Variants in FBXW7 observed in about 807,000 individuals in gnomAD.
FBXW7 encodes the protein F-box/WD repeat-containing protein 7.
A neutral mutation model predicts 86.3 loss-of-function variants in FBXW7; 11 were observed. The ratio of observed to expected loss-of-function variants is 0.13; its 90% CI spans 0.08 to 0.21. The LOEUF is 0.21. FBXW7 is among the 10% of genes least tolerant of loss of function. The pLI, the probability that FBXW7 is intolerant of heterozygous loss-of-function variation, is 1.00. For synonymous variants in FBXW7, 313 were observed against 297.9 expected, an observed-to-expected ratio of 1.05 and a Z score of -0.52; for missense variants, 488 against 847.4, an observed-to-expected ratio of 0.58 and a Z score of 5.27.
At chr4:152,326,675 T>C (rs538845198) in intron 11 of FBXW7, among the ~76,000 whole-genome samples, 7 of 152,262 alleles carry the variant, frequency 4.6e-5, no homozygotes, top group South Asian at 2.1e-4. Context: ...ATTTTCTTTA[T>C]GTTCTTTGCC....
chr4:152,332,773 TATA>T (rs1264795654), intron 7 of FBXW7, 54 bp from the exon 8 acceptor site: 2 of 828,350 alleles, frequency 2.4e-6, no homozygotes, highest in Admixed American at 9.8e-5. Context: ...ATATATATTA[TATA>T]ATAAGTTAAT....
intron 2 of FBXW7, among the ~76,000 whole-genome samples, chr4:152,435,187 T>C (rs556877408): frequency 6.6e-6 from 1 of 150,806 alleles, no homozygotes; most frequent in African/African-American, 2.4e-5. Context: ...ATAATCACAA[T>C]ATAAATGTTA....
chr4:152,385,798 T>C (rs2126791900), intron 4 of FBXW7, among the ~76,000 whole-genome samples: 1 of 152,198 alleles, frequency 6.6e-6, no homozygotes, highest in East Asian at 1.9e-4. Context: ...TACAGGGCAT[T>C]GCAACTGTGG....
intron 2 of FBXW7, among the ~76,000 whole-genome samples, chr4:152,511,884 A>T (rs1748012813): frequency 6.6e-6 from 1 of 152,172 alleles, no homozygotes; most frequent in Non-Finnish European, 1.5e-5. Context: ...GAATAAGTAA[A>T]AATATTTCAT....
At chr4:152,403,180 T>C (rs532477982) in intron 4 of FBXW7, among the ~76,000 whole-genome samples, 187 of 152,250 alleles carry the variant, frequency 1.2e-3, no homozygotes, top group African/African-American at 4.2e-3. Context: ...GTGGCCACTT[T>C]AGAATTATGT....
intron 10 of FBXW7, chr4:152,328,814 A>T (rs1217303537): frequency 6.5e-6 from 1 of 152,946 alleles, no homozygotes; most frequent in African/African-American, 2.4e-5. Context: ...AATCTGCCCC[A>T]GGGCAGTAGT....
chr4:152,320,783 C>G lies in FBXW7; in HGVS notation c.*2098G>C, dbSNP rs969035463. ...CTAGTTCTATGATTTGACAAATTGC[C>G]TAACCAGTCTCAGCTGCAGATTTTT... On this transcript the variant is annotated 3_prime_UTR_variant, in exon 14 of 14. Transcript: ENST00000281708. 6.6e-6 allele frequency: 1 copy of G among 152,144 alleles called. No homozygotes were observed. The highest frequency in any genetic ancestry group is 2.1e-4 in the South Asian group (1 of 4,816). 9.4% of individuals were successfully genotyped at this position (152,144 alleles called of 1,614,324 possible).
At chr4:152,404,488 T>A (rs1051617099) in intron 4 of FBXW7, among the ~76,000 whole-genome samples, 2 of 152,212 alleles carry the variant, frequency 1.3e-5, no homozygotes, top group African/African-American at 4.8e-5. Flanking sequence ...CACACATATA[T>A]AAAAATGTAT....
intron 2 of FBXW7, among the ~76,000 whole-genome samples, chr4:152,415,034 C>A (rs1199698281): frequency 1.3e-5 from 2 of 152,020 alleles, no homozygotes; most frequent in Non-Finnish European, 1.5e-5. Flanking sequence ...TTCTCAATAA[C>A]CTTGTTTTTC....
At chr4:152,415,633 C>A (rs1174387140) in intron 2 of FBXW7, among the ~76,000 whole-genome samples, 1 of 152,114 alleles carries the variant, frequency 6.6e-6, no homozygotes, top group African/African-American at 2.4e-5. Flanking sequence ...TCAACACCCA[C>A]TAAGAGCTTC....
intron 2 of FBXW7, among the ~76,000 whole-genome samples, chr4:152,474,815 G>A (rs149556072): frequency 0.039 from 5,888 of 152,032 alleles, 379 homozygotes; most frequent in African/African-American, 0.13. Context: ...ACAGGCGCAC[G>A]CCACCACTCC....
intron 4 of FBXW7, among the ~76,000 whole-genome samples, chr4:152,355,393 T>C (rs933260386): frequency 1.3e-5 from 2 of 152,120 alleles, no homozygotes; most frequent in Non-Finnish European, 2.9e-5. Context: ...TTTTAAAGTA[T>C]TTTATGCCTT....
At position 152,495,499 on chromosome 4, in the gene FBXW7, T is replaced by G. The variant is rs533827483; in HGVS notation, c.-120+39442A>C. On this transcript the variant is annotated intron_variant, in intron 2 of 13. Coordinates refer to ENST00000281708, the MANE Select transcript of FBXW7 (RefSeq NM_001349798.2). Reference sequence around the variant, plus strand: ...TTTAGCCACCATGAAACAGAAATCTTTAAGTGTGTGCCAGTAACATGGAAA... The same window carrying G: ...TTTAGCCACCATGAAACAGAAATCTGTAAGTGTGTGCCAGTAACATGGAAA... 2.2e-4 allele frequency among the ~76,000 whole-genome samples: 33 copies of G among 152,270 alleles called. 1 individual carries two copies. The South Asian group carries it at 5.4e-3, about 25-fold the overall frequency.
At chr4:152,446,755 C>CT (rs1741439681) in intron 2 of FBXW7, among the ~76,000 whole-genome samples, 1 of 152,156 alleles carries the variant, frequency 6.6e-6, no homozygotes, top group Non-Finnish European at 1.5e-5. Context: ...TTCCTATTTG[C>CT]TGAACCCATC....
intron 4 of FBXW7, among the ~76,000 whole-genome samples, chr4:152,384,482 A>G (rs1735361759): frequency 6.6e-6 from 1 of 152,112 alleles, no homozygotes; most frequent in African/African-American, 2.4e-5. Context: ...TTAAATTTGC[A>G]TAGATAGAAA....
At chr4:152,379,865 T>C (rs1734900702) in intron 4 of FBXW7, among the ~76,000 whole-genome samples, 2 of 152,186 alleles carry the variant, frequency 1.3e-5, no homozygotes, top group Admixed American at 6.6e-5. Flanking sequence ...TTCCTGAAAA[T>C]ATTTGAAGAG....
chr4:152,439,865 C>CAAAAAA (rs35657415), intron 2 of FBXW7, among the ~76,000 whole-genome samples: 2 of 57,156 alleles, frequency 3.5e-5, no homozygotes, highest in Non-Finnish European at 8.2e-5. Flanking sequence ...GACTCCGTCA[C>CAAAAAA]AAAAAAAAAA....
At chr4:152,508,026 C>T (rs551572522) in intron 2 of FBXW7, among the ~76,000 whole-genome samples, 1 of 151,870 alleles carries the variant, frequency 6.6e-6, no homozygotes, top group South Asian at 2.1e-4. Flanking sequence ...TATGATCATA[C>T]CACTGCGCAC....
chr4:152,421,383 A>G (rs1050810203), intron 2 of FBXW7, among the ~76,000 whole-genome samples: 2 of 152,178 alleles, frequency 1.3e-5, no homozygotes, highest in African/African-American at 2.4e-5. Flanking sequence ...TGTTCACCAG[A>G]GTAGCACTTT....
Sources: allele counts gnomAD v4.1 joint callset (sites outside exome capture counted in the v4.1 genomes callset), GRCh38; gene constraint gnomAD v4.1.1; transcripts MANE v1.5; gene names NCBI Gene and HGNC (gene_info 2026-07-23, HGNC 2026-07-21).